The following TMEM163 variants were observed in gnomAD, a reference collection of about 807,000 sequenced individuals.
The protein encoded by TMEM163 is transmembrane protein 163.
Under a neutral mutation model 29.3 loss-of-function variants are expected in TMEM163, and 17 were observed. That is an observed-to-expected ratio of 0.58 (90% CI 0.40 to 0.87). TMEM163 has a LOEUF of 0.87. TMEM163 is among the 40% of genes least tolerant of loss of function. TMEM163 has a pLI of 0.00. For synonymous variants in TMEM163, 157 were observed against 160.6 expected, an observed-to-expected ratio of 0.98 and a Z score of 0.17; for missense variants, 303 against 381.5, an observed-to-expected ratio of 0.79 and a Z score of 1.71.
At chr2:134,611,515 C>T (rs1574279801) in intron 2 of TMEM163, among the ~76,000 whole-genome samples, 1 of 152,148 alleles carries the variant, frequency 6.6e-6, no homozygotes, top group East Asian at 1.9e-4. Flanking sequence ...GATCTCACCA[C>T]AGTGCAGACA....
intron 2 of TMEM163, among the ~76,000 whole-genome samples, chr2:134,565,707 C>G (rs1258104934): frequency 6.6e-6 from 1 of 151,912 alleles, no homozygotes; most frequent in African/African-American, 2.4e-5. Flanking sequence ...GGAAACAGCA[C>G]AAACATTGGT....
chr2:134,575,146 C>T (rs967507615), intron 2 of TMEM163, among the ~76,000 whole-genome samples: 1 of 152,086 alleles, frequency 6.6e-6, no homozygotes. Flanking sequence ...CTGTAGGGTT[C>T]TTCTTCCACA....
At position 134,610,317 on chromosome 2, in the gene TMEM163, G is replaced by T. The variant is rs192086279; in HGVS notation, c.323-58226C>A. ...GCAGCCTGTGCCCTGGAAAGCTGAA[G>T]TCCACCCAGGTGCCTGCTGGCCAGC... On this transcript the variant is annotated intron_variant, in intron 2 of 7. Coordinates refer to ENST00000281924, the MANE Select transcript of TMEM163 (RefSeq NM_030923.5). Among the ~76,000 whole-genome samples the T allele has an allele frequency of 2.5e-3, 384 of 152,322 alleles. 11 individuals carry two copies. Among genetic ancestry groups the T allele is most frequent in the Admixed American group, 0.019 (288 of 15,310 alleles).
At chr2:134,672,345 G>T (rs922444869) in intron 2 of TMEM163, among the ~76,000 whole-genome samples, 1 of 152,144 alleles carries the variant, frequency 6.6e-6, no homozygotes, top group Non-Finnish European at 1.5e-5. Flanking sequence ...ATATGCATAG[G>T]TACAAAACCA....
At chr2:134,671,281 A>G (rs1683991051) in intron 2 of TMEM163, among the ~76,000 whole-genome samples, 1 of 152,098 alleles carries the variant, frequency 6.6e-6, no homozygotes, top group Non-Finnish European at 1.5e-5. Context: ...CTGAGATTCT[A>G]AGCTGACTCT....
chr2:134,625,350 T>G (rs1292707848), intron 2 of TMEM163, among the ~76,000 whole-genome samples: 2 of 152,048 alleles, frequency 1.3e-5, no homozygotes, highest in Non-Finnish European at 2.9e-5. Flanking sequence ...GTATGTCCCC[T>G]AACCCCACCA....
rs137872778 is a variant in TMEM163, at chr2:134,673,252, C to T, written c.322+39948G>A. 1.9e-3 allele frequency among the ~76,000 whole-genome samples: 283 copies of T among 152,218 alleles called. 2 individuals are homozygous for T. Among genetic ancestry groups the T allele is most frequent in the Admixed American group, 4.9e-3 (75 of 15,294 alleles). ...CCCGTTTCATGAGCTCGCATTGGCA[C>T]GTGTTGGTATGGCTCCAATTTTCCC... On this transcript the variant is annotated intron_variant, in intron 2 of 7. Coordinates refer to ENST00000281924, the MANE Select transcript of TMEM163 (RefSeq NM_030923.5).
At chr2:134,620,172 T>C (rs991172134) in intron 2 of TMEM163, among the ~76,000 whole-genome samples, 1 of 152,140 alleles carries the variant, frequency 6.6e-6, no homozygotes, top group African/African-American at 2.4e-5. Flanking sequence ...TCCTAAAACT[T>C]ATATGGAAAT....
At chr2:134,501,755 A>G (rs1558924806) in intron 5 of TMEM163, among the ~76,000 whole-genome samples, 2 of 152,182 alleles carry the variant, frequency 1.3e-5, no homozygotes, top group Non-Finnish European at 2.9e-5. Context: ...ACTGTAATAA[A>G]TGGTAATATT....
chr2:134,516,933 G>A (rs1308792018), intron 4 of TMEM163, among the ~76,000 whole-genome samples: 2 of 152,034 alleles, frequency 1.3e-5, no homozygotes, highest in African/African-American at 4.8e-5. Flanking sequence ...AGGCAAACGT[G>A]AAGGGAGGTT....
In TMEM163 at chr2:134,554,447, A is replaced by AAGAG. The variant is rs1180474778; in HGVS notation, c.323-2360_323-2357dup. Among the ~76,000 whole-genome samples the AAGAG allele has an allele frequency of 1.6e-3, 234 of 148,234 alleles. 2 individuals are homozygous for AAGAG. Among genetic ancestry groups the AAGAG allele is most frequent in the African/African-American group, 5.5e-3 (216 of 39,560 alleles). On this transcript the variant is annotated intron_variant, in intron 2 of 7. Coordinates refer to ENST00000281924, the MANE Select transcript of TMEM163 (RefSeq NM_030923.5). ...CAAAAAAAAAAAAAAAAAAAAAAAA[A>AAGAG]AGAGAGAGAGAGAAATGCTGCCACC...
intron 2 of TMEM163, among the ~76,000 whole-genome samples, chr2:134,665,027 C>T (rs1036624331): frequency 3.9e-5 from 6 of 152,218 alleles, no homozygotes; most frequent in African/African-American, 1.2e-4. Context: ...GAGTGCACCA[C>T]CATGCCCAGC....
chr2:134,649,321 T>C (rs1312930947), intron 2 of TMEM163, among the ~76,000 whole-genome samples: 23 of 152,206 alleles, frequency 1.5e-4, no homozygotes. Flanking sequence ...TGAGGAATCA[T>C]CATGCTCCCC....
At chr2:134,667,344 G>C (rs1374212402) in intron 2 of TMEM163, among the ~76,000 whole-genome samples, 1 of 152,250 alleles carries the variant, frequency 6.6e-6, no homozygotes, top group East Asian at 1.9e-4. Flanking sequence ...TGGGATCTGA[G>C]TGCAAACTGT....
At position 134,486,409 on chromosome 2, in the gene TMEM163, G is replaced by C. The variant is rs1244471563; in HGVS notation, c.555+16492C>G. 5.3e-5 allele frequency among the ~76,000 whole-genome samples: 8 copies of C among 151,708 alleles called. 1 individual carries two copies. The highest frequency in any genetic ancestry group is 1.9e-4 in the African/African-American group (8 of 41,340). On this transcript the variant is annotated intron_variant, in intron 5 of 7. Transcript: ENST00000281924. The stretch of plus-strand genomic sequence containing the variant: ...ACTTCAAAAACTTCTTCGAAAAGAC[G>C]AGGACATACAAACTTTGGGCAAGGT...
intron 5 of TMEM163, among the ~76,000 whole-genome samples, chr2:134,498,794 AGCCCTCGGCAGCACT>A (rs1679637527): frequency 6.6e-6 from 1 of 152,240 alleles, no homozygotes; most frequent in African/African-American, 2.4e-5. Flanking sequence ...GCTTTGGGAC[AGCCCTCGGCAGCACT>A]GCCCTCAGGA....
intron 2 of TMEM163, among the ~76,000 whole-genome samples, chr2:134,684,561 G>A (rs1004286869): frequency 6.6e-6 from 1 of 152,136 alleles, no homozygotes; most frequent in Non-Finnish European, 1.5e-5. Context: ...GCACTTCAGA[G>A]GTATCAAATA....
At chr2:134,511,315 A>G (rs1679944633) in intron 4 of TMEM163, among the ~76,000 whole-genome samples, 1 of 152,180 alleles carries the variant, frequency 6.6e-6, no homozygotes, top group Admixed American at 6.5e-5. Flanking sequence ...GGCAGGAGAG[A>G]ACCCAGCATG....
At chr2:134,713,097 C>G in intron 2 of TMEM163, 103 bp downstream of exon 2, 1 of 1,508,712 alleles carries the variant, frequency 6.6e-7, no homozygotes, top group South Asian at 1.3e-5. Context: ...AAAATTTACT[C>G]ATCAATAATA....
Sources: gnomAD v4.1 joint callset for allele counts (sites outside exome capture counted in the v4.1 genomes callset) on GRCh38, gnomAD v4.1.1 for gene constraint, MANE v1.5 for transcripts, NCBI Gene and HGNC (gene_info 2026-07-23, HGNC 2026-07-21) for gene names.